The following THSD7A variants were observed in gnomAD, a reference collection of about 807,000 sequenced individuals.
THSD7A encodes the protein thrombospondin type 1 domain containing 7A.
THSD7A carries 96 observed loss-of-function variants against 231.3 expected under a neutral mutation model. The ratio of observed to expected loss-of-function variants is 0.41; its 90% CI spans 0.35 to 0.49. THSD7A has a LOEUF of 0.49. THSD7A is among the 20% of genes least tolerant of loss of function. The pLI, the probability that THSD7A is intolerant of heterozygous loss-of-function variation, is 0.05. For synonymous variants in THSD7A, 940 were observed against 743.3 expected, an observed-to-expected ratio of 1.26 and a Z score of -4.30; for missense variants, 2,290 against 2,070.2, an observed-to-expected ratio of 1.11 and a Z score of -2.06.
Position 11,447,237 on chromosome 7 carries a change from A to C in THSD7A, c.2793T>G (p.Thr931=). 1 of 1,612,954 alleles carries C rather than the reference A, an allele frequency of 6.2e-7. No individual in the cohort carries two copies. Among genetic ancestry groups the C allele is most frequent in the Non-Finnish European group, 8.5e-7 (1 of 1,179,344 alleles). ...CATCCCAATTATTCTTACCAACAAG[A>C]GTGCGCTTTCTGGTCCTAACTGCAC... ...DCGAVRTRKR[T]LVGKSKKKEK... Residue 931 remains threonine (T), a synonymous_variant, in exon 12 of 28, where the codon ACT becomes ACG. Coordinates refer to ENST00000423059, the MANE Select transcript of THSD7A (RefSeq NM_015204.3).
chr7:11,711,500 CCA>C (rs1780964243), intron 1 of THSD7A, among the ~76,000 whole-genome samples: 1 of 151,002 alleles, frequency 6.6e-6, no homozygotes, highest in South Asian at 2.1e-4. Context: ...ATGTATAAAT[CCA>C]CACTTGCAAT....
In THSD7A at chr7:11,375,863, T is replaced by G. The variant is rs772384526; in HGVS notation, c.4905A>C (p.Lys1635Asn). 5 of 1,612,612 alleles carry G rather than the reference T, an allele frequency of 3.1e-6. No individual in the cohort carries two copies. In the East Asian group the frequency reaches 1.1e-4, roughly 36 times the overall value. Reference sequence around the variant, plus strand: ...GTCGGTTGTTTTGCCTTCTTTGGGGTTTCTTTGGCTTTTTGCTGTAAAAAA... The same window carrying G: ...GTCGGTTGTTTTGCCTTCTTTGGGGGTTCTTTGGCTTTTTGCTGTAAAAAA... ...MIYLACKKPK[K>N]PQRRQNNRLK... The change falls in exon 28 of 28, where the codon AAA becomes AAC. Residue 1635 changes from lysine to asparagine, a missense_variant. Lys to Asn is a moderately conservative substitution (Grantham distance 94, BLOSUM62 0). Coordinates refer to ENST00000423059, the MANE Select transcript of THSD7A (RefSeq NM_015204.3).
intron 1 of THSD7A, among the ~76,000 whole-genome samples, chr7:11,747,168 G>T (rs1378204309): frequency 6.6e-6 from 1 of 151,912 alleles, no homozygotes; most frequent in African/African-American, 2.4e-5. Context: ...TAGGAGACAT[G>T]ATTATTTGTA....
In THSD7A at chr7:11,407,035, T is replaced by C; in HGVS notation, c.3937A>G (p.Thr1313Ala). 1.2e-6 allele frequency: 2 copies of C among 1,613,838 alleles called. No individual in the cohort carries two copies. Among genetic ancestry groups the C allele is most frequent in the Non-Finnish European group, 1.7e-6 (2 of 1,179,838 alleles). Residue 1313 changes from threonine to alanine, a missense_variant, in exon 21 of 28, where the codon ACA becomes GCA. Transcript: ENST00000423059. ...TCACCTTGAAAGGGCTGGGTCACTG[T>C]TCGTCTTCGGATCATTTTTCCTTGA... ...GLTGKMIRRRTVTQPFQGDGR... is the reference protein window; with the variant it reads ...GLTGKMIRRRAVTQPFQGDGR...
At chr7:11,556,026 T>C (rs904666539) in intron 4 of THSD7A, among the ~76,000 whole-genome samples, 2 of 151,842 alleles carry the variant, frequency 1.3e-5, no homozygotes, top group African/African-American at 4.8e-5. Flanking sequence ...TTCTTAAATC[T>C]GCTCTACCAA....
At chr7:11,498,183 C>A (rs1350398406) in intron 6 of THSD7A, among the ~76,000 whole-genome samples, 7 of 152,152 alleles carry the variant, frequency 4.6e-5, no homozygotes, top group Non-Finnish European at 8.8e-5. Context: ...GCCCACAGAC[C>A]CCACTTTCAT....
chr7:11,391,591 GGGCAGTGAATGGTTCTGTCCT>G (rs147918854), intron 23 of THSD7A, among the ~76,000 whole-genome samples: 12,891 of 152,102 alleles, frequency 0.085, 1,636 homozygotes, highest in African/African-American at 0.28. Flanking sequence ...CCCCTTTCCA[GGGCAGTGAATGGTTCTGTCCT>G]GGCAGTGAAT....
At position 11,428,992 on chromosome 7, in the gene THSD7A, T is replaced by C. The variant is rs1392431348; in HGVS notation, c.3198A>G (p.Pro1066=). 2 of 1,612,972 alleles carry C rather than the reference T, an allele frequency of 1.2e-6. No homozygotes were observed. The highest frequency in any genetic ancestry group is 1.3e-5 in the African/African-American group (1 of 74,888). Residue 1066 remains proline, a synonymous_variant, in exon 14 of 28, where the codon CCA becomes CCG. Transcript: ENST00000423059. ...TGGGGCAAGGCCTTCCTCCATTATA[T>C]GGTTTTTCACGCAGCCATTTAGAAC... The part of the protein sequence containing the change: ...KVRSKWLREK[P]YNGGRPCPKL...
At chr7:11,763,067 T>C (rs903825148) in intron 1 of THSD7A, among the ~76,000 whole-genome samples, 2 of 152,212 alleles carry the variant, frequency 1.3e-5, no homozygotes, top group Admixed American at 6.5e-5. Flanking sequence ...AAATTCTTTA[T>C]TGGGTCCCTA....
Position 11,505,014 on chromosome 7 carries a change from C to A in THSD7A, c.1823-23032G>T, listed in dbSNP as rs564729101. On this transcript the variant is annotated intron_variant, in intron 6 of 27. Coordinates refer to ENST00000423059, the MANE Select transcript of THSD7A (RefSeq NM_015204.3). Reference sequence around the variant, plus strand: ...TAAGGCAACTAGTTAGAGATGCAGGCATGTTTCAGAACTCCTGATTGTCAA... The same window carrying A: ...TAAGGCAACTAGTTAGAGATGCAGGAATGTTTCAGAACTCCTGATTGTCAA... Among the ~76,000 whole-genome samples, 6 of 152,194 alleles carry A rather than the reference C, an allele frequency of 3.9e-5. No individual in the cohort carries two copies. The South Asian group carries it at 1.0e-3, about 26-fold the overall frequency.
chr7:11,598,918 G>C (rs188485715), intron 2 of THSD7A, among the ~76,000 whole-genome samples: 56 of 152,278 alleles, frequency 3.7e-4, no homozygotes, highest in Admixed American at 3.5e-3. Flanking sequence ...TTGCTACCTG[G>C]ACACTTTGGG....
chr7:11,694,626 G>T (rs967162639), intron 1 of THSD7A, among the ~76,000 whole-genome samples: 4 of 151,512 alleles, frequency 2.6e-5, no homozygotes, highest in Non-Finnish European at 5.9e-5. Context: ...TCATTACACT[G>T]CTCACAAGGT....
At chr7:11,538,972 G>C (rs1789029725) in intron 6 of THSD7A, among the ~76,000 whole-genome samples, 1 of 152,072 alleles carries the variant, frequency 6.6e-6, no homozygotes, top group Non-Finnish European at 1.5e-5. Flanking sequence ...AGGAATGTGG[G>C]AGCAAAAAAG....
intron 2 of THSD7A, among the ~76,000 whole-genome samples, chr7:11,616,384 T>C (rs73290880): frequency 0.018 from 2,739 of 152,200 alleles, 84 homozygotes; most frequent in African/African-American, 0.062. Context: ...CAAAATCAAG[T>C]TAAGAGGACA....
chr7:11,818,346 C>A (rs1267412487), intron 1 of THSD7A, among the ~76,000 whole-genome samples: 1 of 152,178 alleles, frequency 6.6e-6, no homozygotes, highest in African/African-American at 2.4e-5. Context: ...TTCCATCAAG[C>A]AGTATTGTTC....
chr7:11,375,834 T>C lies in THSD7A; in HGVS notation c.4934A>G (p.Lys1645Arg). Reference sequence around the variant, plus strand: ...TCCATCATAGGCTAAGGTTAAAGGTTTCAGTCGGTTGTTTTGCCTTCTTTG... The same window carrying C: ...TCCATCATAGGCTAAGGTTAAAGGTCTCAGTCGGTTGTTTTGCCTTCTTTG... ...KPQRRQNNRL[K>R]PLTLAYDGDA... The change falls in exon 28 of 28, where the codon AAA becomes AGA. Residue 1645 changes from lysine (K) to arginine (R), a missense_variant. Coordinates refer to ENST00000423059, the MANE Select transcript of THSD7A (RefSeq NM_015204.3). 6.2e-7 allele frequency: 1 copy of C among 1,612,916 alleles called. No homozygotes were observed. Among genetic ancestry groups the C allele is most frequent in the Non-Finnish European group, 8.5e-7 (1 of 1,179,126 alleles).
At chr7:11,525,956 A>C (rs574113016) in intron 6 of THSD7A, among the ~76,000 whole-genome samples, 3 of 152,178 alleles carry the variant, frequency 2.0e-5, no homozygotes, top group Non-Finnish European at 4.4e-5. Flanking sequence ...AGTTATCTGG[A>C]ATATTCCTAG....
intron 7 of THSD7A, among the ~76,000 whole-genome samples, chr7:11,476,613 T>G (rs979001428): frequency 6.6e-6 from 1 of 152,004 alleles, no homozygotes; most frequent in Non-Finnish European, 1.5e-5. Context: ...GCTCAGGAGT[T>G]TGGGACCACC....
chr7:11,436,042 A>G (rs1485135272), intron 13 of THSD7A, among the ~76,000 whole-genome samples: 1 of 152,116 alleles, frequency 6.6e-6, no homozygotes, highest in Non-Finnish European at 1.5e-5. Flanking sequence ...TTATTCAACC[A>G]TAATAACAAA....
Sources: gnomAD v4.1 joint callset for allele counts (sites outside exome capture counted in the v4.1 genomes callset) on GRCh38, gnomAD v4.1.1 for gene constraint, MANE v1.5 for transcripts, NCBI Gene and HGNC (gene_info 2026-07-23, HGNC 2026-07-21) for gene names.